FRYL: variants seen among roughly 807,000 people sequenced by gnomAD.
FRYL encodes the protein protein furry homolog-like.
A neutral mutation model predicts 351.2 loss-of-function variants in FRYL; 150 were observed. That is an observed-to-expected ratio of 0.43 (90% CI 0.37 to 0.49). FRYL has a LOEUF of 0.49. FRYL is among the 20% of genes least tolerant of loss of function. The pLI is 0.00. For missense variants in FRYL, 3,036 were observed against 3,619.3 expected (o/e 0.84, Z 4.13); for synonymous variants, 1,153 against 1,257.1 (o/e 0.92, Z 1.75).
intron 2 of FRYL, among the ~76,000 whole-genome samples, chr4:48,686,963 C>T (rs182426592): frequency 5.9e-5 from 9 of 152,078 alleles, no homozygotes; most frequent in Admixed American, 5.9e-4. Context: ...CTGGAAAATA[C>T]ATAGTTTATA....
At chr4:48,579,576 A>G (rs1168385278) in intron 22 of FRYL, among the ~76,000 whole-genome samples, 1 of 152,188 alleles carries the variant, frequency 6.6e-6, no homozygotes, top group African/African-American at 2.4e-5. Context: ...CTAAAGAGTG[A>G]ACCATTAACT....
At position 48,510,988 on chromosome 4, in the gene FRYL, T is replaced by C. The variant is rs761514339; in HGVS notation, c.8146-4A>G. 2.5e-6 allele frequency: 4 copies of C among 1,605,552 alleles called. No individual in the cohort carries two copies. Among genetic ancestry groups the C allele is most frequent in the African/African-American group, 1.3e-5 (1 of 74,526 alleles). The stretch of plus-strand genomic sequence containing the variant: ...CTCCAAACTTTCTTTGAATTGTCTA[T>C]GGAGAAAAGCAGAAGAAAGAGTTTA... On this transcript the variant is annotated splice_region_variant and splice_polypyrimidine_tract_variant and intron_variant, in intron 57 of 63. Coordinates refer to ENST00000358350, the MANE Select transcript of FRYL (RefSeq NM_015030.2).
chr4:48,668,386 TAAAA>T (rs1226517947), intron 3 of FRYL, among the ~76,000 whole-genome samples: 8 of 122,842 alleles, frequency 6.5e-5, no homozygotes, highest in Admixed American at 5.8e-4. Context: ...CTCAAAAAAT[TAAAA>T]AAAAAAAAAA....
intron 1 of FRYL, among the ~76,000 whole-genome samples, chr4:48,761,620 C>T (rs1420859225): frequency 1.3e-5 from 2 of 152,118 alleles, no homozygotes; most frequent in African/African-American, 4.8e-5. Flanking sequence ...ATCTTTTATG[C>T]CCTATGTCTA....
chr4:48,770,662 C>T (rs1314504231), intron 1 of FRYL, among the ~76,000 whole-genome samples: 2 of 152,072 alleles, frequency 1.3e-5, no homozygotes, highest in Non-Finnish European at 2.9e-5. Context: ...GTCTCGAACT[C>T]GCAACCTCAG....
At chr4:48,773,707 C>T (rs1219996799) in intron 1 of FRYL, among the ~76,000 whole-genome samples, 2 of 152,184 alleles carry the variant, frequency 1.3e-5, no homozygotes. Context: ...AGGCAGATAG[C>T]TTCAGCCTAG....
In FRYL at chr4:48,712,273, A is replaced by G. The variant is rs1024405731; in HGVS notation, c.-383-1575T>C. The stretch of plus-strand genomic sequence containing the variant: ...CTTCAGACGATCAAACTACTCCGAG[A>G]TACAGGAGGAAATTCAAACCAAAGG... On this transcript the variant is annotated intron_variant, in intron 1 of 63. Coordinates refer to ENST00000358350, the MANE Select transcript of FRYL (RefSeq NM_015030.2). Among the ~76,000 whole-genome samples the G allele has an allele frequency of 2.0e-5, 3 of 152,174 alleles. No individual in the cohort carries two copies. In the East Asian group the frequency reaches 5.8e-4, roughly 29 times the overall value.
intron 5 of FRYL, among the ~76,000 whole-genome samples, chr4:48,622,405 A>T (rs540261325): frequency 6.6e-6 from 1 of 152,276 alleles, no homozygotes; most frequent in East Asian, 1.9e-4. Context: ...AGAATCACCT[A>T]GGAAGCTGTT....
At chr4:48,631,724 AG>A (rs986921371) in intron 4 of FRYL, among the ~76,000 whole-genome samples, 1 of 151,774 alleles carries the variant, frequency 6.6e-6, no homozygotes, top group Non-Finnish European at 1.5e-5. Context: ...CATTTAGCTT[AG>A]GGGGGGATGA....
chr4:48,548,817 A>G, intron 39 of FRYL, 24 bp from the exon 40 acceptor site: 1 of 1,348,438 alleles, frequency 7.4e-7, no homozygotes, highest in Non-Finnish European at 1.0e-6. Flanking sequence ...GAGTTTCATT[A>G]ACGTTTTACT....
intron 3 of FRYL, among the ~76,000 whole-genome samples, chr4:48,668,125 C>A (rs1762053986): frequency 6.6e-6 from 1 of 152,100 alleles, no homozygotes; most frequent in Non-Finnish European, 1.5e-5. Context: ...CACATTCACT[C>A]GCATATCATC....
intron 9 of FRYL, 92 bp downstream of exon 9, chr4:48,608,895 G>A (rs1259031179): frequency 2.5e-6 from 2 of 797,370 alleles, no homozygotes; most frequent in African/African-American, 1.7e-5. Flanking sequence ...GGAAAATGGT[G>A]GATTTCGAAC....
At chr4:48,534,444 C>A in intron 49 of FRYL, 101 bp downstream of exon 49, 1 of 899,530 alleles carries the variant, frequency 1.1e-6, no homozygotes. Flanking sequence ...TATGGTTGAA[C>A]CACTTCCCCA....
chr4:48,566,602 A>G (rs74594600), intron 28 of FRYL, among the ~76,000 whole-genome samples: 132 of 152,328 alleles, frequency 8.7e-4, no homozygotes, highest in African/African-American at 3.0e-3. Context: ...TATAAAATAC[A>G]ACCCATGTTC....
intron 1 of FRYL, among the ~76,000 whole-genome samples, chr4:48,728,978 C>T (rs1489210692): frequency 5.3e-5 from 8 of 152,220 alleles, no homozygotes; most frequent in Non-Finnish European, 1.2e-4. Context: ...CAAGGGAAGC[C>T]GTGAGTGACT....
chr4:48,572,784 C>T (rs1226090942), intron 26 of FRYL, among the ~76,000 whole-genome samples: 1 of 152,166 alleles, frequency 6.6e-6, no homozygotes, highest in African/African-American at 2.4e-5. Context: ...CAAATCTGGC[C>T]CACTGCTACC....
intron 3 of FRYL, among the ~76,000 whole-genome samples, chr4:48,639,434 A>G (rs1384262045): frequency 6.6e-6 from 1 of 152,104 alleles, no homozygotes; most frequent in African/African-American, 2.4e-5. Context: ...AATTCAATGA[A>G]GAAAGGAGAC....
chr4:48,564,125 C>A (rs1406329984), intron 30 of FRYL, 23 bp from the exon 31 acceptor site: 1 of 1,611,570 alleles, frequency 6.2e-7, no homozygotes, highest in Non-Finnish European at 8.5e-7. Flanking sequence ...TGTGAAATTG[C>A]CCGAGAGAGA....
At chr4:48,728,681 G>C (rs192378001) in intron 1 of FRYL, among the ~76,000 whole-genome samples, 16 of 152,256 alleles carry the variant, frequency 1.1e-4, no homozygotes, top group African/African-American at 3.6e-4. Flanking sequence ...CATACCTATA[G>C]AAGAACAAAG....
Sources: gnomAD v4.1 joint callset for allele counts (sites outside exome capture counted in the v4.1 genomes callset) on GRCh38, gnomAD v4.1.1 for gene constraint, MANE v1.5 for transcripts, NCBI Gene and HGNC (gene_info 2026-07-23, HGNC 2026-07-21) for gene names.